Variants in CEP128 observed in about 807,000 individuals in gnomAD.
CEP128 encodes centrosomal protein 128kDa.
Under a neutral mutation model 156.7 loss-of-function variants are expected in CEP128, and 132 were observed. The ratio of observed to expected loss-of-function variants is 0.84; its 90% CI spans 0.73 to 0.97. The LOEUF (loss-of-function observed/expected upper bound fraction) is 0.97, where lower values mean the gene tolerates loss of function less well. CEP128 is among the 50% of genes least tolerant of loss of function. CEP128 has a pLI of 0.00. For missense variants in CEP128, 1,252 were observed against 1,281.9 expected (o/e 0.98, Z 0.36); for synonymous variants, 469 against 448.9 (o/e 1.04, Z -0.57).
intron 16 of CEP128, among the ~76,000 whole-genome samples, chr14:80,768,148 A>T (rs1900333780): frequency 6.6e-6 from 1 of 152,220 alleles, no homozygotes; most frequent in African/African-American, 2.4e-5. Flanking sequence ...AAAAATTTTA[A>T]TCTCTGAACT....
At chr14:80,709,763 G>A (rs905743943) in intron 19 of CEP128, among the ~76,000 whole-genome samples, 4 of 151,924 alleles carry the variant, frequency 2.6e-5, no homozygotes, top group African/African-American at 7.2e-5. Flanking sequence ...GACATTTCTT[G>A]TTAAGGCTAA....
chr14:80,761,546 T>C lies in CEP128; in HGVS notation c.2444A>G (p.Asp815Gly). The C allele has an allele frequency of 1.9e-6, 3 of 1,613,122 alleles. No individual in the cohort carries two copies. Among genetic ancestry groups the C allele is most frequent in the Middle Eastern group, 1.7e-4 (1 of 6,058 alleles). The change falls in exon 17 of 25, where the codon GAT becomes GGT. Residue 815 changes from aspartate to glycine, a missense_variant. Coordinates refer to ENST00000555265, the MANE Select transcript of CEP128 (RefSeq NM_152446.5). ...RMEEARLQLKDQLLCLETEQE... is the reference protein window; with the variant it reads ...RMEEARLQLKGQLLCLETEQE... Reference sequence around the variant, plus strand: ...TTCAGTCTCCAAGCAAAGAAGTTGATCCTTGAGCTGCAATCTGGCCTCTTC... The same window carrying C: ...TTCAGTCTCCAAGCAAAGAAGTTGACCCTTGAGCTGCAATCTGGCCTCTTC...
At chr14:80,589,541 A>G (rs1891958178) in intron 19 of CEP128, among the ~76,000 whole-genome samples, 2 of 152,154 alleles carry the variant, frequency 1.3e-5, no homozygotes, top group Admixed American at 1.3e-4. Context: ...GTAACATGTC[A>G]TAAGCTGTGA....
intron 20 of CEP128, among the ~76,000 whole-genome samples, chr14:80,568,132 G>A (rs962631936): frequency 6.6e-6 from 1 of 152,156 alleles, no homozygotes; most frequent in Non-Finnish European, 1.5e-5. Flanking sequence ...AAAGGGTTGT[G>A]TATCTGACTG....
chr14:80,750,348 T>C (rs1340132861), intron 18 of CEP128, among the ~76,000 whole-genome samples: 5 of 152,210 alleles, frequency 3.3e-5, no homozygotes, highest in Non-Finnish European at 7.3e-5. Flanking sequence ...GTCAGGTCCA[T>C]GGTTTTTCTC....
chr14:80,951,993 T>C (rs1442492867), intron 2 of CEP128, among the ~76,000 whole-genome samples: 1 of 152,024 alleles, frequency 6.6e-6, no homozygotes, highest in Non-Finnish European at 1.5e-5. Context: ...ACATGAACTT[T>C]AAATTGCATG....
At chr14:80,498,060 G>A (rs1479590652) in intron 24 of CEP128, among the ~76,000 whole-genome samples, 1 of 152,150 alleles carries the variant, frequency 6.6e-6, no homozygotes, top group Non-Finnish European at 1.5e-5. Context: ...AACTGTCTGT[G>A]TGAAATCTTC....
chr14:80,531,351 A>C (rs1266380914), intron 21 of CEP128, among the ~76,000 whole-genome samples: 1 of 152,198 alleles, frequency 6.6e-6, no homozygotes, highest in Non-Finnish European at 1.5e-5. Flanking sequence ...TATTTCAGTT[A>C]AAAGGGAAAG....
chr14:80,825,019 T>A (rs1246243027), intron 13 of CEP128, among the ~76,000 whole-genome samples: 4 of 152,158 alleles, frequency 2.6e-5, no homozygotes, highest in Non-Finnish European at 5.9e-5. Context: ...GAAAGGCATG[T>A]CTTACATGGT....
chr14:80,947,328 G>T (rs1043731788), intron 2 of CEP128, among the ~76,000 whole-genome samples: 1 of 152,006 alleles, frequency 6.6e-6, no homozygotes, highest in Non-Finnish European at 1.5e-5. Flanking sequence ...CCTTAGAGAT[G>T]GGGGGTGACC....
At chr14:80,700,227 AAGG>A (rs1897027727) in intron 19 of CEP128, among the ~76,000 whole-genome samples, 2 of 152,134 alleles carry the variant, frequency 1.3e-5, no homozygotes, top group African/African-American at 4.8e-5. Flanking sequence ...AATAATGCTG[AAGG>A]AGAAGTATAT....
chr14:80,736,336 T>C (rs1898530736), intron 19 of CEP128, among the ~76,000 whole-genome samples: 1 of 152,106 alleles, frequency 6.6e-6, no homozygotes, highest in African/African-American at 2.4e-5. Flanking sequence ...AAATCGAATC[T>C]ATTTTAGCAC....
intron 2 of CEP128, chr14:80,955,716 G>A (rs1409710392): frequency 6.2e-7 from 1 of 1,614,158 alleles, no homozygotes; most frequent in East Asian, 2.2e-5. Flanking sequence ...TGGTGCTGCT[G>A]CTCGACCTGC....
At chr14:80,597,098 C>T (rs1595065068) in intron 19 of CEP128, among the ~76,000 whole-genome samples, 1 of 150,094 alleles carries the variant, frequency 6.7e-6, no homozygotes, top group African/African-American at 2.5e-5. Flanking sequence ...CAATAGAGAA[C>T]AAGAGGGAAA....
chr14:80,743,350 C>T (rs941477337), intron 18 of CEP128, 83 bp from the exon 19 acceptor site: 2 of 1,151,178 alleles, frequency 1.7e-6, no homozygotes, highest in Non-Finnish European at 2.4e-6. Context: ...AAATAAGTAA[C>T]ATAATTTGAA....
At chr14:80,778,254 T>C (rs2139772108) in intron 15 of CEP128, among the ~76,000 whole-genome samples, 1 of 152,330 alleles carries the variant, frequency 6.6e-6, no homozygotes, top group South Asian at 2.1e-4. Context: ...TACGAAGTGG[T>C]AGATACTGGA....
chr14:80,917,358 A>G (rs1037786554), intron 2 of CEP128, among the ~76,000 whole-genome samples: 4 of 152,232 alleles, frequency 2.6e-5, no homozygotes, highest in African/African-American at 9.6e-5. Context: ...AAGAAGCATC[A>G]GAGAAACTCA....
rs141734755 is a variant in CEP128, at chr14:80,680,520, C to T, written c.2806+62555G>A. Among the ~76,000 whole-genome samples the T allele has an allele frequency of 2.2e-3, 337 of 152,200 alleles. 2 individuals are homozygous for T. The highest frequency in any genetic ancestry group is 7.9e-3 in the African/African-American group (328 of 41,522). On this transcript the variant is annotated intron_variant, in intron 19 of 24. Coordinates refer to ENST00000555265, the MANE Select transcript of CEP128 (RefSeq NM_152446.5). ...GACATATATTGTAGTATATGAAGAC[C>T]CTCTCTGCTCCACACGCAGACAAAT...
At chr14:80,900,338 AAAG>A (rs765485395) in intron 6 of CEP128, among the ~76,000 whole-genome samples, 6 of 152,214 alleles carry the variant, frequency 3.9e-5, no homozygotes, top group African/African-American at 7.2e-5. Flanking sequence ...AGAGAGCGAG[AAAG>A]AAGGAGAAAA....
Sources: gnomAD v4.1 joint callset for allele counts (sites outside exome capture counted in the v4.1 genomes callset) on GRCh38, gnomAD v4.1.1 for gene constraint, MANE v1.5 for transcripts, NCBI Gene and HGNC (gene_info 2026-07-23, HGNC 2026-07-21) for gene names.